APBB1IP: variants seen among roughly 807,000 people sequenced by gnomAD.
APBB1IP encodes the protein amyloid beta precursor protein binding family B member 1 interacting protein.
Under a neutral mutation model 64.9 loss-of-function variants are expected in APBB1IP, and 27 were observed. The ratio of observed to expected loss-of-function variants is 0.42; its 90% confidence interval spans 0.31 to 0.57. APBB1IP has a LOEUF of 0.57. Among genes scored for constraint, APBB1IP ranks in the 20% least tolerant of loss-of-function variants. The probability of loss-of-function intolerance (pLI) is 0.20; values close to 1 mark genes in which losing one functional copy is unlikely to be tolerated. For missense variants in APBB1IP, 812 were observed against 845.5 expected (o/e 0.96, Z 0.49); for synonymous variants, 392 against 331.0 (o/e 1.18, Z -2.00).
chr10:26,461,089 G>A (rs149696778), intron 2 of APBB1IP, among the ~76,000 whole-genome samples: 5 of 152,098 alleles, frequency 3.3e-5, no homozygotes, highest in African/African-American at 4.8e-5. Context: ...ATCATAAAAG[G>A]CACTTGGAGA....
intron 2 of APBB1IP, among the ~76,000 whole-genome samples, chr10:26,455,187 A>C (rs1444860120): frequency 6.6e-6 from 1 of 152,234 alleles, no homozygotes; most frequent in Admixed American, 6.5e-5. Context: ...GCTAATTTAA[A>C]TATAAATATG....
intron 11 of APBB1IP, among the ~76,000 whole-genome samples, chr10:26,543,364 G>A (rs914534995): frequency 7.9e-5 from 12 of 151,686 alleles, no homozygotes; most frequent in African/African-American, 2.9e-4. Context: ...TACTTGGGGG[G>A]CTTGAGGCAG....
At chr10:26,517,054 G>T (rs188774451) in intron 8 of APBB1IP, among the ~76,000 whole-genome samples, 84 of 152,306 alleles carry the variant, frequency 5.5e-4, no homozygotes, top group East Asian at 4.8e-3. Context: ...TTGATGGCTT[G>T]CTGCCTGCAG....
intron 11 of APBB1IP, among the ~76,000 whole-genome samples, chr10:26,545,785 A>ACAAAC (rs1165312285): frequency 1.1e-5 from 1 of 90,024 alleles, no homozygotes; most frequent in African/African-American, 5.9e-5. Context: ...AAACAAACAA[A>ACAAAC]AAAAAACCAC....
intron 2 of APBB1IP, among the ~76,000 whole-genome samples, chr10:26,478,659 T>G (rs995727539): frequency 2.0e-5 from 3 of 150,246 alleles, no homozygotes; most frequent in Admixed American, 1.3e-4. Flanking sequence ...GGGCTGGAGA[T>G]GTGCTTTGGG....
chr10:26,531,557 C>T (rs1269046625), intron 8 of APBB1IP, among the ~76,000 whole-genome samples: 1 of 151,666 alleles, frequency 6.6e-6, no homozygotes, highest in African/African-American at 2.4e-5. Context: ...GTCCCAGCTA[C>T]TCGGGAGGCT....
intron 10 of APBB1IP, among the ~76,000 whole-genome samples, chr10:26,538,891 G>T (rs1487679837): frequency 6.6e-6 from 1 of 152,106 alleles, no homozygotes; most frequent in Non-Finnish European, 1.5e-5. Context: ...GATAAAAACA[G>T]CACAGCTAGA....
chr10:26,538,641 CAA>C (rs765081330), intron 10 of APBB1IP, among the ~76,000 whole-genome samples: 8 of 77,808 alleles, frequency 1.0e-4, no homozygotes, highest in Non-Finnish European at 1.1e-4. Context: ...GATTCCATCT[CAA>C]AAAAAAAAAA....
chr10:26,550,637 A>G (rs1213207562), intron 11 of APBB1IP, among the ~76,000 whole-genome samples: 1 of 151,912 alleles, frequency 6.6e-6, no homozygotes, highest in Non-Finnish European at 1.5e-5. Flanking sequence ...AATGCTTCTG[A>G]TAAATTTCTG....
At chr10:26,453,322 G>C (rs1434357381) in intron 2 of APBB1IP, among the ~76,000 whole-genome samples, 2 of 152,156 alleles carry the variant, frequency 1.3e-5, no homozygotes, top group Non-Finnish European at 2.9e-5. Flanking sequence ...AAGGTTTAAT[G>C]AGAAGAAGAT....
chr10:26,476,639 TTCTG>T (rs1318716025), intron 2 of APBB1IP, among the ~76,000 whole-genome samples: 3 of 152,118 alleles, frequency 2.0e-5, no homozygotes, highest in African/African-American at 4.8e-5. Context: ...AACAAAGACG[TTCTG>T]TCTTTGTTAC....
intron 14 of APBB1IP, among the ~76,000 whole-genome samples, chr10:26,562,797 A>AAAATAAAT (rs199563056): frequency 4.0e-4 from 61 of 151,908 alleles, no homozygotes; most frequent in South Asian, 3.1e-3. Context: ...ATCCAGTCTT[A>AAAATAAAT]AAATAAATAA....
intron 2 of APBB1IP, among the ~76,000 whole-genome samples, chr10:26,456,003 CA>C (rs1835520607): frequency 6.6e-6 from 1 of 152,100 alleles, no homozygotes; most frequent in African/African-American, 2.4e-5. Flanking sequence ...CACAAAAGAC[CA>C]CATTAATGTA....
chr10:26,522,171 CT>C (rs1455991748), intron 8 of APBB1IP, among the ~76,000 whole-genome samples: 1 of 151,504 alleles, frequency 6.6e-6, no homozygotes, highest in African/African-American at 2.4e-5. Flanking sequence ...CCACCATCAT[CT>C]TTTTAAGAAG....
At chr10:26,481,826 CGTGTGTGTGT>C (rs71521683) in intron 2 of APBB1IP, among the ~76,000 whole-genome samples, 143 of 143,340 alleles carry the variant, frequency 1.0e-3, no homozygotes, top group African/African-American at 3.0e-3. Context: ...CATCTCATTA[CGTGTGTGTGT>C]GTGTGTGTGT....
In APBB1IP at chr10:26,483,758, G is replaced by T. The variant is rs569588215; in HGVS notation, c.1-8569G>T. ...GTCAGGGTCTTGCTCTTTTGCTCAG[G>T]CTGGAGTGCAATAGTGCAATCATGA... On this transcript the variant is annotated intron_variant, in intron 2 of 14. Coordinates refer to ENST00000376236, the MANE Select transcript of APBB1IP (RefSeq NM_019043.4). Among the ~76,000 whole-genome samples, 6 of 152,036 alleles carry T rather than the reference G, an allele frequency of 3.9e-5. No homozygotes were observed. The South Asian group carries it at 1.2e-3, about 32-fold the overall frequency.
intron 2 of APBB1IP, among the ~76,000 whole-genome samples, chr10:26,491,977 G>A (rs986941783): frequency 2.6e-5 from 4 of 152,098 alleles, no homozygotes; most frequent in African/African-American, 9.7e-5. Flanking sequence ...GTTCAAGCTG[G>A]TCTCAAACTC....
At chr10:26,565,757 T>A (rs1479331791) in intron 14 of APBB1IP, among the ~76,000 whole-genome samples, 1 of 152,112 alleles carries the variant, frequency 6.6e-6, no homozygotes, top group African/African-American at 2.4e-5. Flanking sequence ...CAATCTTAAA[T>A]TTTTCAGGCT....
intron 8 of APBB1IP, among the ~76,000 whole-genome samples, chr10:26,528,312 A>C (rs112467597): frequency 1.4e-4 from 21 of 152,146 alleles, no homozygotes; most frequent in African/African-American, 5.1e-4. Flanking sequence ...CTCTAGCCTG[A>C]CTGGCTGCTC....
Sources: gnomAD v4.1 joint callset for allele counts (sites outside exome capture counted in the v4.1 genomes callset) on GRCh38, gnomAD v4.1.1 for gene constraint, MANE v1.5 for transcripts, NCBI Gene and HGNC (gene_info 2026-07-23, HGNC 2026-07-21) for gene names.